MBD3: variants seen among roughly 807,000 people sequenced by gnomAD.
The protein encoded by MBD3 is methyl-CpG binding domain protein 3, also known as methyl-CpG-binding domain protein 3.
In MBD3, 13 loss-of-function variants were observed where a neutral mutation model predicts 31.2. The observed-to-expected ratio is 0.42, with a 90% confidence interval of 0.27 to 0.66. MBD3 has a LOEUF of 0.66. Among genes scored for constraint, MBD3 ranks in the 30% least tolerant of loss-of-function variants. The pLI is 0.26. For missense variants in MBD3, 440 were observed against 426.5 expected, an observed-to-expected ratio of 1.03 and a Z score of -0.28; for synonymous variants, 223 against 187.4, an observed-to-expected ratio of 1.19 and a Z score of -1.55.
chr19:1,579,055 C>A (rs1917284695), intron 5 of MBD3, among the ~76,000 whole-genome samples: 1 of 151,600 alleles, frequency 6.6e-6, no homozygotes, highest in Non-Finnish European at 1.5e-5. Flanking sequence ...GTGGTGGCGG[C>A]CGCCTGTAGT....
In MBD3 at chr19:1,582,722, A is replaced by G. The variant is rs1314586056; in HGVS notation, c.409-10T>C. 1 of 1,611,598 alleles carries G rather than the reference A, an allele frequency of 6.2e-7. No homozygotes were observed. On this transcript the variant is annotated splice_polypyrimidine_tract_variant and intron_variant, in intron 3 of 6. Transcript: ENST00000434436. ...TCTTCTCCCAGAAGAGCTGCCCCAG[A>G]CACATATGTGAACCTCAAGAGTGGC...
intron 2 of MBD3, 85 bp downstream of exon 2, chr19:1,584,970 C>T: frequency 6.4e-7 from 1 of 1,561,110 alleles, no homozygotes. Flanking sequence ...GGACGCCGGG[C>T]TGTGTCGCCT....
At position 1,585,286 on chromosome 19, in the gene MBD3, CA is replaced by C. The variant is rs2060673972; in HGVS notation, c.111-73del. 1.3e-6 allele frequency: 2 copies of C among 1,493,502 alleles called. No individual in the cohort carries two copies. The highest frequency in any genetic ancestry group is 2.5e-5 in the East Asian group (1 of 40,360). 92.5% of individuals were successfully genotyped at this position (1,493,502 alleles called of 1,614,324 possible). The stretch of plus-strand genomic sequence containing the variant: ...CAAACCCAGGCCTCGGCCGCAGACC[CA>C]AACCCAGTCCCAGCCCCAGCTTCAG... On this transcript the variant is annotated intron_variant, in intron 1 of 6. Transcript: ENST00000434436. This position sits in a 1 kb window ranked among gnomAD's most constrained non-coding sequence, Gnocchi z 4.1.
chr19:1,579,725 C>G (rs1917305451), intron 5 of MBD3, among the ~76,000 whole-genome samples: 1 of 152,070 alleles, frequency 6.6e-6, no homozygotes, highest in Admixed American at 6.6e-5. Flanking sequence ...GACCCTACCT[C>G]CTGCGGAACC....
rs553816166 is a variant in MBD3 at position 1,583,860 on chromosome 19, C to G, written c.408+680G>C. The stretch of plus-strand genomic sequence containing the variant: ...TTTTTGAGACCGGGTCTCGCTCTGT[C>G]GCCCAGGCAGGAGTGCAGTGGTGTC... On this transcript the variant is annotated intron_variant, in intron 3 of 6. Transcript: ENST00000434436. Among the ~76,000 whole-genome samples the G allele has an allele frequency of 5.9e-5, 9 of 152,258 alleles. No homozygotes were observed. The South Asian group carries it at 1.0e-3, about 18-fold the overall frequency.
At position 1,578,567 on chromosome 19, in the gene MBD3, C is replaced by A. The variant is rs759595582; in HGVS notation, c.678-29G>T. 1 of 1,610,090 alleles carries A rather than the reference C, an allele frequency of 6.2e-7. No homozygotes were observed. Among genetic ancestry groups the A allele is most frequent in the Non-Finnish European group, 8.5e-7 (1 of 1,179,864 alleles). ...GGGACACATGGACCTTGCGTTACAC[C>A]AAGGTGAGCGGCCAGCAGGACATGG... On this transcript the variant is annotated intron_variant, in intron 5 of 6. Coordinates refer to ENST00000434436, the MANE Select transcript of MBD3 (RefSeq NM_001281453.2). The surrounding 1 kb of genome is among the most constrained non-coding windows in gnomAD (Gnocchi z 6.1).
At chr19:1,591,276 C>G (rs949348358) in intron 1 of MBD3, among the ~76,000 whole-genome samples, 1 of 152,190 alleles carries the variant, frequency 6.6e-6, no homozygotes, top group Non-Finnish European at 1.5e-5. Context: ...AGTTTCCCCT[C>G]TCTTGCTGTC....
At chr19:1,582,590 C>A (rs544499672) in intron 4 of MBD3, 32 bp downstream of exon 4, 7 of 1,603,218 alleles carry the variant, frequency 4.4e-6, no homozygotes, top group Middle Eastern at 1.8e-4. Context: ...CCGGCACATC[C>A]CCTTCCGCCT....
In MBD3 at chr19:1,586,588, A is replaced by T. The variant is rs369778563; in HGVS notation, c.111-1374T>A. ...CAATGGCTCAATCACAGCTCACTGC[A>T]ACCTTGAACTCCTGGGCTAGGGTGA... On this transcript the variant is annotated intron_variant, in intron 1 of 6. Coordinates refer to ENST00000434436, the MANE Select transcript of MBD3 (RefSeq NM_001281453.2). 3.3e-5 allele frequency among the ~76,000 whole-genome samples: 5 copies of T among 151,862 alleles called. No individual in the cohort carries two copies. The East Asian group carries it at 9.6e-4, about 29-fold the overall frequency.
intron 3 of MBD3, among the ~76,000 whole-genome samples, chr19:1,584,230 G>A (rs1333844853): frequency 6.6e-6 from 1 of 151,136 alleles, no homozygotes; most frequent in East Asian, 2.0e-4. Context: ...TCCAAGAGGG[G>A]ACCGCAGGAC....
chr19:1,579,081 G>A (rs1189094574), intron 5 of MBD3, among the ~76,000 whole-genome samples: 1 of 151,346 alleles, frequency 6.6e-6, no homozygotes, highest in Admixed American at 6.6e-5. Context: ...CTACTTGGGA[G>A]GCTGAGGCAG....
At chr19:1,580,615 G>C (rs1001020798) in intron 5 of MBD3, among the ~76,000 whole-genome samples, 1 of 152,222 alleles carries the variant, frequency 6.6e-6, no homozygotes, top group African/African-American at 2.4e-5. Flanking sequence ...CGGCCCTGAG[G>C]CCCCGCAGGA....
rs373052574 is a variant in MBD3 at position 1,584,639 on chromosome 19, C to T, written c.309G>A (p.Gln103=). The T allele has an allele frequency of 6.2e-7, 1 of 1,613,710 alleles. No homozygotes were observed. Among genetic ancestry groups the T allele is most frequent in the African/African-American group, 1.3e-5 (1 of 75,064 alleles). The change falls in exon 3 of 7, where the codon CAG becomes CAA. Residue 103 remains glutamine (Q), a synonymous_variant. Transcript: ENST00000434436. ...CCGGCTGCTTGAAGATGGACGCCGTCTGGCGCACGGGCAGCGCCGTGTTCA... is the reference window on the plus strand; with the variant it reads ...CCGGCTGCTTGAAGATGGACGCCGTTTGGCGCACGGGCAGCGCCGTGTTCA... The part of the protein sequence containing the change: ...PDLNTALPVR[Q]TASIFKQPVT...
chr19:1,588,257 G>A (rs1418717602), intron 1 of MBD3, among the ~76,000 whole-genome samples: 1 of 152,170 alleles, frequency 6.6e-6, no homozygotes, highest in Non-Finnish European at 1.5e-5. Flanking sequence ...ACCACTGAGG[G>A]CTCTTCCCGG....
chr19:1,589,344 C>CAAAAAAAAA (rs35111393), intron 1 of MBD3, among the ~76,000 whole-genome samples: 1 of 65,658 alleles, frequency 1.5e-5, no homozygotes, highest in Non-Finnish European at 3.1e-5. Flanking sequence ...AACTCGGTCT[C>CAAAAAAAAA]AAAAAAAAAA....
intron 1 of MBD3, among the ~76,000 whole-genome samples, chr19:1,587,711 G>T (rs2060685808): frequency 6.6e-6 from 1 of 152,228 alleles, no homozygotes. Context: ...TGCCTGGCTG[G>T]TGTCTTTTAT....
chr19:1,584,559 G>A lies in MBD3; in HGVS notation c.389C>T (p.Ala130Val). 3.7e-6 allele frequency: 6 copies of A among 1,613,486 alleles called. No individual in the cohort carries two copies. Among genetic ancestry groups the A allele is most frequent in the Non-Finnish European group, 4.2e-6 (5 of 1,179,834 alleles). The change falls in exon 3 of 7, where the codon GCG (alanine) becomes GTG (valine). Residue 130 changes from alanine to valine, a missense_variant. Ala to Val is a moderately conservative substitution (Grantham distance 64). Coordinates refer to ENST00000434436, the MANE Select transcript of MBD3 (RefSeq NM_001281453.2). ...SNKVKSDPQKAVDQPRQLFWE... is the reference protein window; with the variant it reads ...SNKVKSDPQKVVDQPRQLFWE... ...GCTCACCTGGCGCGGCTGGTCCACC[G>A]CCTTCTGCGGGTCGCTCTTGACCTT...
chr19:1,574,198 T>A lies in MBD3; in HGVS notation c.*3966A>T, dbSNP rs1915038553. The A allele has an allele frequency of 6.6e-6, 1 of 151,866 alleles. No individual in the cohort carries two copies. The highest frequency in any genetic ancestry group is 2.1e-4 in the South Asian group (1 of 4,810). The allele number at this position is 151,866 out of a possible 1,614,324, so 9.4% of individuals were successfully genotyped here. A position where few individuals can be genotyped will look rare whatever the true frequency, so the allele number is the denominator to read the frequency against. Reference sequence around the variant, plus strand: ...CTGTAATCTCAGCTACTTGGGAGGCTGAGGAGGGAGAATGGCGTGAACCCA... The same window carrying A: ...CTGTAATCTCAGCTACTTGGGAGGCAGAGGAGGGAGAATGGCGTGAACCCA... On this transcript the variant is annotated 3_prime_UTR_variant, in exon 7 of 7. Transcript: ENST00000434436.
chr19:1,592,658 G>A lies in MBD3; in HGVS notation c.-27C>T. 4.6e-6 allele frequency: 5 copies of A among 1,078,560 alleles called. No individual in the cohort carries two copies. Among genetic ancestry groups the A allele is most frequent in the South Asian group, 2.1e-5 (1 of 47,424 alleles). 66.8% of individuals were successfully genotyped at this position (1,078,560 alleles called of 1,614,324 possible). On this transcript the variant is annotated 5_prime_UTR_variant, in exon 1 of 7. Transcript: ENST00000434436. ...GCGCCCGGCTCCTCGGCCCGCCGCC[G>A]GGCCCGCCGCCGCCGCCCGGACCCC...
Sources: allele counts gnomAD v4.1 joint callset (sites outside exome capture counted in the v4.1 genomes callset), GRCh38; gene constraint gnomAD v4.1.1; non-coding constraint Gnocchi (gnomAD v3.1); transcripts MANE v1.5; gene names NCBI Gene and HGNC (gene_info 2026-07-23, HGNC 2026-07-21).